The following HYCC1 variants were observed in gnomAD, a reference collection of about 807,000 sequenced individuals.
HYCC1 encodes the protein hyccin PI4KA lipid kinase complex subunit 1.
At chr7:22,931,040 T>G in the HYCC1 span, among the ~76,000 whole-genome samples, 1 of 151,968 alleles carries the variant, frequency 6.6e-6, no homozygotes, top group East Asian at 1.9e-4. Context: ...CATCATAACG[T>G]GAAAGACAGA....
the HYCC1 span, among the ~76,000 whole-genome samples, chr7:22,921,588 T>A: frequency 1.3e-5 from 2 of 152,166 alleles, no homozygotes; most frequent in Non-Finnish European, 2.9e-5. Context: ...CTCAGTGGAA[T>A]TAAGTTACTG....
the HYCC1 span, among the ~76,000 whole-genome samples, chr7:22,989,287 C>CAT: frequency 4.1e-5 from 1 of 24,124 alleles, no homozygotes; most frequent in Non-Finnish European, 8.3e-5. Context: ...AAGCAGGAAA[C>CAT]ACACACACAC....
chr7:22,935,151 GAGGTTTTA>G, the HYCC1 span: 1 of 152,238 alleles, frequency 6.6e-6, no homozygotes, highest in Non-Finnish European at 1.5e-5. Context: ...GCTTCAAACA[GAGGTTTTA>G]AGCAATTTTA....
At chr7:22,996,540 A>T in the HYCC1 span, among the ~76,000 whole-genome samples, 2 of 145,896 alleles carry the variant, frequency 1.4e-5, no homozygotes, top group African/African-American at 5.1e-5. Flanking sequence ...AAAAGCCAAC[A>T]GTGTTTACTA....
chr7:23,001,530 A>T, the HYCC1 span, among the ~76,000 whole-genome samples: 1 of 152,174 alleles, frequency 6.6e-6, no homozygotes, highest in Non-Finnish European at 1.5e-5. Context: ...TCATTTTAAA[A>T]TAAATTGCTA....
chr7:22,995,237 A>G, the HYCC1 span, among the ~76,000 whole-genome samples: 4 of 151,992 alleles, frequency 2.6e-5, no homozygotes, highest in Admixed American at 2.6e-4. Context: ...ACCATCATCT[A>G]TCAATCAATC....
At chr7:22,949,776 T>C in the HYCC1 span, among the ~76,000 whole-genome samples, 8 of 151,968 alleles carry the variant, frequency 5.3e-5, no homozygotes, top group African/African-American at 1.9e-4. Flanking sequence ...GCCCAAGAAG[T>C]AATGATATTA....
chr7:22,984,176 G>A, the HYCC1 span: 2 of 631,346 alleles, frequency 3.2e-6, no homozygotes, highest in Non-Finnish European at 2.8e-6. Context: ...TGACTAACAG[G>A]TATGAAGTTT....
the HYCC1 span, chr7:22,945,409 C>T: frequency 3.3e-6 from 2 of 603,100 alleles, no homozygotes; most frequent in East Asian, 2.8e-5. Flanking sequence ...AATAACAAAA[C>T]CATATTTCAA....
chr7:23,006,729 C>T, the HYCC1 span, among the ~76,000 whole-genome samples: 5 of 152,274 alleles, frequency 3.3e-5, no homozygotes, highest in Admixed American at 3.3e-4. Flanking sequence ...GTACAAATGA[C>T]TGAATTCTAT....
At chr7:22,977,509 T>C in the HYCC1 span, 1 of 769,776 alleles carries the variant, frequency 1.3e-6, no homozygotes, top group South Asian at 1.7e-5. Context: ...AAACATTTTT[T>C]TGAAAAAGAC....
chr7:23,002,693 T>C, the HYCC1 span, among the ~76,000 whole-genome samples: 1 of 152,158 alleles, frequency 6.6e-6, no homozygotes, highest in Non-Finnish European at 1.5e-5. Context: ...AACTATTTCT[T>C]GGGAACAGGC....
chr7:22,946,261 G>C, the HYCC1 span: 57 of 914,496 alleles, frequency 6.2e-5, no homozygotes, highest in Non-Finnish European at 8.8e-5. Flanking sequence ...CATAAATTAA[G>C]CTTTAGCATA....
chr7:22,955,525 C>A, the HYCC1 span, among the ~76,000 whole-genome samples: 1 of 151,542 alleles, frequency 6.6e-6, no homozygotes, highest in Non-Finnish European at 1.5e-5. Flanking sequence ...GGAACTATAA[C>A]TTAATTAGGG....
chr7:22,985,385 C>T, the HYCC1 span, among the ~76,000 whole-genome samples: 36 of 152,064 alleles, frequency 2.4e-4, no homozygotes, highest in African/African-American at 2.4e-5. Context: ...GGCCCTCATA[C>T]GCAAATCTTT....
chr7:23,009,799 G>C, the HYCC1 span, among the ~76,000 whole-genome samples: 12 of 152,068 alleles, frequency 7.9e-5, no homozygotes, highest in African/African-American at 2.4e-4. Flanking sequence ...GTATTTAAAA[G>C]GCATATATCC....
the HYCC1 span, among the ~76,000 whole-genome samples, chr7:22,930,387 GAAAA>G: frequency 4.0e-5 from 4 of 98,786 alleles, no homozygotes; most frequent in Non-Finnish European, 6.5e-5. Flanking sequence ...AAAAGAAAAA[GAAAA>G]AGAAAAAAAA....
the HYCC1 span, among the ~76,000 whole-genome samples, chr7:22,917,384 A>T: frequency 0.016 from 2,406 of 152,272 alleles, 67 homozygotes; most frequent in African/African-American, 0.055. Flanking sequence ...TCTATTCTCA[A>T]GGAAATAACT....
the HYCC1 span, among the ~76,000 whole-genome samples, chr7:22,974,165 CAG>C: frequency 1.2e-4 from 19 of 152,266 alleles, no homozygotes; most frequent in South Asian, 2.3e-3. Context: ...TAGTCGATAA[CAG>C]AGTTTTCACT....
Sources: allele counts gnomAD v4.1 joint callset (sites outside exome capture counted in the v4.1 genomes callset), GRCh38; gene constraint gnomAD v4.1.1; transcripts MANE v1.5; gene names NCBI Gene and HGNC (gene_info 2026-07-23, HGNC 2026-07-21).